ACSL1: variants seen among roughly 807,000 people sequenced by gnomAD.
The protein encoded by ACSL1 is acyl-CoA synthetase long chain family member 1.
ACSL1 carries 41 observed loss-of-function variants against 98.4 expected under a neutral mutation model. The observed-to-expected ratio is 0.42, with a 90% CI of 0.32 to 0.54. The LOEUF (loss-of-function observed/expected upper bound fraction) is 0.54. Ranked by LOEUF, ACSL1 falls within the 20% of genes least tolerant of loss-of-function variation. The pLI is 0.13. For synonymous variants in ACSL1, 316 were observed against 322.7 expected (o/e 0.98, Z 0.22); for missense variants, 734 against 883.1 (o/e 0.83, Z 2.14).
Position 184,773,763 on chromosome 4 carries a change from G to A in ACSL1, c.790-49C>T, listed in dbSNP as rs781120261. The A allele has an allele frequency of 3.1e-6, 5 of 1,605,932 alleles. No individual in the cohort carries two copies. The South Asian group carries it at 5.6e-5, about 18-fold the overall frequency. ...CTGGTATAAATCAGAACAGAAAAGAGAACTATAAGCCACAAGGTACCAGGC... is the reference window on the plus strand; with the variant it reads ...CTGGTATAAATCAGAACAGAAAAGAAAACTATAAGCCACAAGGTACCAGGC... On this transcript the variant is annotated intron_variant, in intron 8 of 20. Coordinates refer to ENST00000281455, the MANE Select transcript of ACSL1 (RefSeq NM_001995.5). This position sits in a 1 kb window ranked among gnomAD's most constrained non-coding sequence, Gnocchi z 4.3.
At chr4:184,785,109 A>G (rs1348719345) in intron 3 of ACSL1, among the ~76,000 whole-genome samples, 1 of 152,200 alleles carries the variant, frequency 6.6e-6, no homozygotes, top group Non-Finnish European at 1.5e-5. Context: ...ACACTCATTC[A>G]TTTTTGTTCT....
intron 1 of ACSL1, among the ~76,000 whole-genome samples, chr4:184,811,775 G>GTAAC (rs1237836186): frequency 1.3e-5 from 2 of 152,052 alleles, no homozygotes; most frequent in East Asian, 3.9e-4. Flanking sequence ...AAACCACTGT[G>GTAAC]TAACTGTATA....
intron 1 of ACSL1, among the ~76,000 whole-genome samples, chr4:184,824,857 G>C (rs1323379924): frequency 6.6e-6 from 1 of 152,170 alleles, no homozygotes; most frequent in African/African-American, 2.4e-5. Flanking sequence ...CAATCAACCG[G>C]AAGCCTTTGA....
chr4:184,776,277 T>C (rs1245247968), intron 7 of ACSL1, among the ~76,000 whole-genome samples: 2 of 152,192 alleles, frequency 1.3e-5, no homozygotes, highest in Admixed American at 6.5e-5. Flanking sequence ...AGCACTTGGG[T>C]AAGGTGTGAG....
intron 1 of ACSL1, among the ~76,000 whole-genome samples, chr4:184,813,317 A>G (rs545368274): frequency 1.3e-5 from 2 of 152,180 alleles, no homozygotes; most frequent in African/African-American, 4.8e-5. Context: ...ACTGTTGTAG[A>G]TATGTCACAA....
chr4:184,809,204 C>G (rs112511647), intron 1 of ACSL1, among the ~76,000 whole-genome samples: 1,667 of 152,326 alleles, frequency 0.011, 11 homozygotes, highest in Middle Eastern at 0.02. Flanking sequence ...TACTTCTACA[C>G]TTAAACCACT....
chr4:184,811,381 G>A (rs935639742), intron 1 of ACSL1, among the ~76,000 whole-genome samples: 1 of 152,040 alleles, frequency 6.6e-6, no homozygotes, highest in African/African-American at 2.4e-5. Context: ...CAAAGTGCTG[G>A]GATTACAGGT....
intron 1 of ACSL1, among the ~76,000 whole-genome samples, chr4:184,822,476 G>A (rs768242049): frequency 2.0e-5 from 3 of 152,160 alleles, no homozygotes; most frequent in Non-Finnish European, 4.4e-5. Context: ...AGTGGCTCAC[G>A]CCTGTAATCC....
intron 2 of ACSL1, among the ~76,000 whole-genome samples, chr4:184,790,402 T>C (rs1768144197): frequency 6.6e-6 from 1 of 152,218 alleles, no homozygotes; most frequent in Non-Finnish European, 1.5e-5. Flanking sequence ...AGACATTCTG[T>C]CAATATCTAC....
At chr4:184,768,760 G>C (rs535636981) in intron 11 of ACSL1, among the ~76,000 whole-genome samples, 2 of 152,188 alleles carry the variant, frequency 1.3e-5, no homozygotes, top group East Asian at 3.9e-4. Flanking sequence ...TGAATGACAT[G>C]GTATTACATA....
Position 184,757,158 on chromosome 4 carries a change from C to T in ACSL1, c.2064G>A (p.Gln688=). ...RPELRNYFRS[Q]IDDLYSTIKV ...TGATAGTGGAATAGAGGTCATCTATCTGCGACCTGAAATAGTTCCGCAGCT... is the reference window on the plus strand; with the variant it reads ...TGATAGTGGAATAGAGGTCATCTATTTGCGACCTGAAATAGTTCCGCAGCT... Residue 688 remains glutamine (Q), a synonymous_variant, in exon 21 of 21, where the codon CAG becomes CAA. Coordinates refer to ENST00000281455, the MANE Select transcript of ACSL1 (RefSeq NM_001995.5). The surrounding 1 kb of genome is among the most constrained non-coding windows in gnomAD (Gnocchi z 4.5). 5.0e-6 allele frequency: 8 copies of T among 1,607,154 alleles called. No individual in the cohort carries two copies. Among genetic ancestry groups the T allele is most frequent in the Non-Finnish European group, 6.8e-6 (8 of 1,174,180 alleles).
At chr4:184,815,887 G>C (rs1772582137) in intron 1 of ACSL1, among the ~76,000 whole-genome samples, 2 of 152,080 alleles carry the variant, frequency 1.3e-5, no homozygotes, top group African/African-American at 4.8e-5. Context: ...TTGGGAGGCA[G>C]AGGTGGGTGG....
intron 2 of ACSL1, among the ~76,000 whole-genome samples, chr4:184,802,367 G>T (rs991520492): frequency 6.6e-6 from 1 of 152,192 alleles, no homozygotes. Flanking sequence ...TCAGCCCGGG[G>T]GGGTGGGGGA....
chr4:184,825,497 G>A lies in ACSL1; in HGVS notation c.-33+419C>T, dbSNP rs1773403086. Among the ~76,000 whole-genome samples, 1 of 151,830 alleles carries A rather than the reference G, an allele frequency of 6.6e-6. No homozygotes were observed. On this transcript the variant is annotated intron_variant, in intron 1 of 20. Transcript: ENST00000281455. The surrounding 1 kb of genome is among the most constrained non-coding windows in gnomAD (Gnocchi z 4.7). ...CGAACGCCCGCGAGCCCGGCCTCTG[G>A]GCAGGCGGGGGCCGCGGACGAGGGC... is the stretch of plus-strand genomic sequence containing the variant.
At chr4:184,802,048 T>A (rs2150437041) in intron 2 of ACSL1, among the ~76,000 whole-genome samples, 1 of 152,266 alleles carries the variant, frequency 6.6e-6, no homozygotes, top group South Asian at 2.1e-4. Context: ...CAGGAATCCC[T>A]TAGGAAAAGG....
In ACSL1 at chr4:184,756,092, C is replaced by T. The variant is rs1762098190; in HGVS notation, c.*1033G>A. ...ATTACTGTCCATTTCAATAAGTACT[C>T]AAGTATATACTCCCTTAATAGCTTT... On this transcript the variant is annotated 3_prime_UTR_variant, in exon 21 of 21. Coordinates refer to ENST00000281455, the MANE Select transcript of ACSL1 (RefSeq NM_001995.5). The T allele has an allele frequency of 6.6e-6, 1 of 152,228 alleles. No homozygotes were observed. The highest frequency in any genetic ancestry group is 1.5e-5 in the Non-Finnish European group (1 of 68,032). The allele number at this position is 152,228 out of a possible 1,614,324, so 9.4% of individuals were successfully genotyped here. A position where few individuals can be genotyped will look rare whatever the true frequency, so the allele number is the denominator to read the frequency against.
At chr4:184,794,501 G>A (rs1768986018) in intron 2 of ACSL1, among the ~76,000 whole-genome samples, 2 of 152,174 alleles carry the variant, frequency 1.3e-5, no homozygotes, top group African/African-American at 4.8e-5. Flanking sequence ...CCTCCCAGCT[G>A]AGCACAGAAG....
Position 184,773,768 on chromosome 4 carries a change from A to T in ACSL1, c.790-54T>A. ...ATAAATCAGAACAGAAAAGAGAACT[A>T]TAAGCCACAAGGTACCAGGCTAGAT... On this transcript the variant is annotated intron_variant, in intron 8 of 20. Transcript: ENST00000281455. This position sits in a 1 kb window ranked among gnomAD's most constrained non-coding sequence, Gnocchi z 4.3. 6.2e-7 allele frequency: 1 copy of T among 1,610,720 alleles called. No individual in the cohort carries two copies. Among genetic ancestry groups the T allele is most frequent in the Non-Finnish European group, 8.5e-7 (1 of 1,178,938 alleles).
chr4:184,793,757 C>T (rs374216996), intron 2 of ACSL1, among the ~76,000 whole-genome samples: 20 of 152,260 alleles, frequency 1.3e-4, no homozygotes, highest in African/African-American at 3.9e-4. Flanking sequence ...GGTTCTAATG[C>T]GGGATCCATC....
Sources: allele counts gnomAD v4.1 joint callset (sites outside exome capture counted in the v4.1 genomes callset), GRCh38; gene constraint gnomAD v4.1.1; non-coding constraint Gnocchi (gnomAD v3.1); transcripts MANE v1.5; gene names NCBI Gene and HGNC (gene_info 2026-07-23, HGNC 2026-07-21).